The following MOSPD2 variants were observed in gnomAD, a reference collection of about 807,000 sequenced individuals.
The protein encoded by MOSPD2 is motile sperm domain containing 2, also known as motile sperm domain-containing protein 2.
In MOSPD2, 5 loss-of-function variants were observed where a neutral mutation model predicts 41.7. The ratio of observed to expected loss-of-function variants is 0.12; its 90% CI spans 0.06 to 0.25. MOSPD2 has a LOEUF of 0.25. Ranked by LOEUF, MOSPD2 falls within the 10% of genes least tolerant of loss-of-function variation. MOSPD2 has a pLI of 1.00. For synonymous variants in MOSPD2, 115 were observed against 126.9 expected, an observed-to-expected ratio of 0.91 and a Z score of 0.63; for missense variants, 282 against 375.2, an observed-to-expected ratio of 0.75 and a Z score of 2.05.
At position 14,902,920 on chromosome X, in the gene MOSPD2, A is replaced by G. The variant is rs376435201; in HGVS notation, c.539-46A>G. 5.3e-6 allele frequency: 5 copies of G among 947,397 alleles called. No homozygotes were observed. The African/African-American group carries it at 7.7e-5, about 15-fold the overall frequency. 78.1% of individuals were successfully genotyped at this position (947,397 alleles called of 1,213,427 possible). ...CTAGGCTGGTATGAGTGATATTATT[A>G]TAGAGGTACTGATTCACATTCAATG... On this transcript the variant is annotated intron_variant, in intron 6 of 14. Coordinates refer to ENST00000380492, the MANE Select transcript of MOSPD2 (RefSeq NM_152581.4).
intron 2 of MOSPD2, among the ~76,000 whole-genome samples, chrX:14,874,669 T>C (rs2092516289): frequency 8.9e-6 from 1 of 112,241 alleles, no homozygotes; most frequent in Non-Finnish European, 1.9e-5. Context: ...GAGTTAAGCT[T>C]CTACATCTTG....
chrX:14,908,226 T>G (rs1010538109), intron 7 of MOSPD2, among the ~76,000 whole-genome samples: 1 of 111,838 alleles, frequency 8.9e-6, no homozygotes, highest in Non-Finnish European at 1.9e-5. Context: ...GGGCAGTTCG[T>G]GCCACTGCAC....
Position 14,914,525 on chromosome X carries a change from G to A in MOSPD2, c.1015G>A (p.Gly339Arg). The A allele has an allele frequency of 8.4e-7, 1 of 1,191,311 alleles. No homozygotes were observed. The highest frequency in any genetic ancestry group is 1.1e-6 in the Non-Finnish European group (1 of 881,605). The change falls in exon 11 of 15, where the codon GGA (glycine) becomes AGA (arginine). Residue 339 changes from glycine (G) to arginine (R), a missense_variant. Physicochemically the swap from Gly to Arg is moderately radical, Grantham distance 125. This residue lies in a region of MOSPD2 where 187 missense variants were observed against 256.6 expected (regional missense o/e 0.73). Transcript: ENST00000380492. Reference protein sequence around the residue: ...HISPAEELYFGSTESGEKKTL... With the variant: ...HISPAEELYFRSTESGEKKTL... ...TAGCCCAGCAGAAGAACTGTACTTTGGAAGTACAGAATCCGGAGAGAAGAA... is the reference window on the plus strand; with the variant it reads ...TAGCCCAGCAGAAGAACTGTACTTTAGAAGTACAGAATCCGGAGAGAAGAA...
At chrX:14,915,565 A>T in intron 11 of MOSPD2, 103 bp from the exon 12 acceptor site, 1 of 396,916 alleles carries the variant, frequency 2.5e-6, no homozygotes, top group East Asian at 6.7e-5. Context: ...AAATAAAAAA[A>T]ATAAAAATAA....
intron 7 of MOSPD2, among the ~76,000 whole-genome samples, chrX:14,907,038 T>A (rs1418866609): frequency 1.8e-5 from 2 of 111,248 alleles, no homozygotes; most frequent in Non-Finnish European, 3.8e-5. Context: ...AAAAAACAAG[T>A]AACCCAATTA....
intron 5 of MOSPD2, among the ~76,000 whole-genome samples, chrX:14,897,981 G>A (rs891507186): frequency 8.9e-6 from 1 of 111,908 alleles, no homozygotes; most frequent in South Asian, 3.7e-4. Flanking sequence ...ATTCACAAAC[G>A]TGCTCAGGGC....
At chrX:14,908,245 G>A (rs2092585630) in intron 7 of MOSPD2, among the ~76,000 whole-genome samples, 1 of 111,474 alleles carries the variant, frequency 9.0e-6, no homozygotes. Context: ...ACTCCAGCCT[G>A]GGTGACAGAG....
chrX:14,918,337 G>T (rs1463191994), intron 13 of MOSPD2, among the ~76,000 whole-genome samples: 1 of 111,749 alleles, frequency 8.9e-6, no homozygotes, highest in African/African-American at 3.3e-5. Flanking sequence ...TGATGGTGGG[G>T]TACTGAAGCT....
intron 7 of MOSPD2, among the ~76,000 whole-genome samples, chrX:14,903,653 G>C (rs2046367479): frequency 8.9e-6 from 1 of 112,131 alleles, no homozygotes; most frequent in African/African-American, 3.2e-5. Context: ...GTTATTTTCA[G>C]AATGTACATT....
At position 14,917,092 on chromosome X, in the gene MOSPD2, G is replaced by C. The variant is rs1291008060; in HGVS notation, c.1316+766G>C. Among the ~76,000 whole-genome samples the C allele has an allele frequency of 8.0e-5, 9 of 111,809 alleles. No homozygotes were observed. The Admixed American group carries it at 8.5e-4, about 11-fold the overall frequency. On this transcript the variant is annotated intron_variant, in intron 13 of 14. Transcript: ENST00000380492. ...ATGGGGTACAGTGGGCATCTAATGG[G>C]GGCAGCATAGGGATGCTGCTAAACC...
chrX:14,875,914 G>A (rs113677015), intron 2 of MOSPD2, among the ~76,000 whole-genome samples: 6,599 of 111,593 alleles, frequency 0.059, 389 homozygotes, highest in African/African-American at 0.18. Flanking sequence ...CTCCAGTAGA[G>A]TGTACATGGG....
chrX:14,914,433 T>C, intron 10 of MOSPD2, 70 bp from the exon 11 acceptor site: 2 of 678,234 alleles, frequency 2.9e-6, no homozygotes, highest in Non-Finnish European at 4.5e-6. Context: ...ATATTTTTCT[T>C]CAAGCTAAAT....
At chrX:14,891,222 A>G (rs766728856) in intron 2 of MOSPD2, among the ~76,000 whole-genome samples, 1 of 112,172 alleles carries the variant, frequency 8.9e-6, no homozygotes, top group South Asian at 3.7e-4. Flanking sequence ...ATTTTATGGA[A>G]TAGGGAGCAT....
At position 14,920,916 on chromosome X, in the gene MOSPD2, C is replaced by T; in HGVS notation, c.*1107C>T. The T allele has an allele frequency of 1.3e-6, 1 of 754,165 alleles. No individual in the cohort carries two copies. Among genetic ancestry groups the T allele is most frequent in the Non-Finnish European group, 1.6e-6 (1 of 639,370 alleles). 62.2% of individuals were successfully genotyped at this position (754,165 alleles called of 1,213,427 possible). ...AGAAACACAGACGCCCAGGTGTCAGCTCTCCGTTTAAAGAATGAAAAATGT... is the reference window on the plus strand; with the variant it reads ...AGAAACACAGACGCCCAGGTGTCAGTTCTCCGTTTAAAGAATGAAAAATGT... On this transcript the variant is annotated 3_prime_UTR_variant, in exon 15 of 15. Transcript: ENST00000380492.
Position 14,903,776 on chromosome X carries a change from T to C in MOSPD2, c.577+772T>C, listed in dbSNP as rs748813667. ...ACACAATTGACAAACCTTTAGCTAATAAAGAAGAAAAGGAAAGACTCAAAG... is the reference window on the plus strand; with the variant it reads ...ACACAATTGACAAACCTTTAGCTAACAAAGAAGAAAAGGAAAGACTCAAAG... On this transcript the variant is annotated intron_variant, in intron 7 of 14. Transcript: ENST00000380492. 2.0e-4 allele frequency among the ~76,000 whole-genome samples: 22 copies of C among 111,438 alleles called. No homozygotes were observed. In the South Asian group the frequency reaches 7.4e-3, roughly 37 times the overall value.
Position 14,921,830 on chromosome X carries a change from A to ATAAT in MOSPD2, c.*2023_*2026dup, listed in dbSNP as rs2092610173. ...TGTCTTCATTTGTTTTTATTTAATC[A>ATAAT]TAATTGCATGATTTTTTTGGTACTC... is the stretch of plus-strand genomic sequence containing the variant. On this transcript the variant is annotated 3_prime_UTR_variant, in exon 15 of 15. Transcript: ENST00000380492. The ATAAT allele has an allele frequency of 8.9e-6, 1 of 112,862 alleles. No individual in the cohort carries two copies. Among genetic ancestry groups the ATAAT allele is most frequent in the Non-Finnish European group, 1.9e-5 (1 of 53,912 alleles). The allele number at this position is 112,862 out of a possible 1,213,427, so 9.3% of individuals were successfully genotyped here.
intron 14 of MOSPD2, among the ~76,000 whole-genome samples, chrX:14,919,135 G>C (rs765618333): frequency 2.7e-5 from 3 of 111,436 alleles, no homozygotes; most frequent in African/African-American, 9.8e-5. Context: ...GACCCTGGGA[G>C]GTCAAGGCTG....
intron 2 of MOSPD2, chrX:14,874,568 T>A (rs773547752): frequency 3.6e-5 from 4 of 111,652 alleles, no homozygotes; most frequent in East Asian, 2.8e-4. Context: ...TTAAATTTTT[T>A]AAAAAAACAT....
chrX:14,878,768 A>G (rs1205017300), intron 2 of MOSPD2, among the ~76,000 whole-genome samples: 1 of 111,837 alleles, frequency 8.9e-6, no homozygotes, highest in Non-Finnish European at 1.9e-5. Flanking sequence ...TTACATATGT[A>G]TACATGCGCC....
Sources: allele counts gnomAD v4.1 joint callset (sites outside exome capture counted in the v4.1 genomes callset), GRCh38; gene constraint gnomAD v4.1.1; regional missense constraint gnomAD v4.1.1; transcripts MANE v1.5; gene names NCBI Gene and HGNC (gene_info 2026-07-23, HGNC 2026-07-21).